Variants in CCDC62 observed in about 807,000 individuals in gnomAD.
The protein encoded by CCDC62 is coiled-coil domain containing 62.
CCDC62 carries 72 observed loss-of-function variants against 80.8 expected under a neutral mutation model. The observed-to-expected ratio is 0.89, with a 90% CI of 0.74 to 1.08. CCDC62 has a LOEUF of 1.08. Ranked by LOEUF, CCDC62 falls within the 50% of genes least tolerant of loss-of-function variation. CCDC62 has a pLI of 0.00. For missense variants in CCDC62, 704 were observed against 809.4 expected (o/e 0.87, Z 1.58); for synonymous variants, 286 against 296.5 (o/e 0.96, Z 0.36).
chr12:122,818,527 G>T (rs1477630110), intron 11 of CCDC62, among the ~76,000 whole-genome samples: 5 of 151,928 alleles, frequency 3.3e-5, no homozygotes, highest in African/African-American at 4.8e-5. Context: ...GGGAGGTTGA[G>T]GGGGGAGGAT....
At chr12:122,825,834 A>AAT (rs1269088070) in intron 12 of CCDC62, among the ~76,000 whole-genome samples, 2 of 147,946 alleles carry the variant, frequency 1.4e-5, no homozygotes, top group East Asian at 4.1e-4. Flanking sequence ...AAAAATACCA[A>AAT]AAAAAAAAAT....
intron 3 of CCDC62, among the ~76,000 whole-genome samples, chr12:122,785,258 C>T (rs1490805274): frequency 1.3e-5 from 2 of 151,966 alleles, no homozygotes; most frequent in South Asian, 2.1e-4. Flanking sequence ...TAGGAATACC[C>T]CAGTATGAAG....
chr12:122,804,497 G>A (rs1387397940), intron 9 of CCDC62, among the ~76,000 whole-genome samples: 1 of 151,968 alleles, frequency 6.6e-6, no homozygotes, highest in Non-Finnish European at 1.5e-5. Flanking sequence ...AAAAAAAAAG[G>A]TCATTGGCCA....
intron 3 of CCDC62, among the ~76,000 whole-genome samples, chr12:122,782,138 C>T (rs2029902392): frequency 6.6e-6 from 1 of 152,172 alleles, no homozygotes; most frequent in African/African-American, 2.4e-5. Context: ...AGTCCAAGTC[C>T]AGCCTGGGCA....
chr12:122,814,352 G>A (rs1475378016), intron 11 of CCDC62, among the ~76,000 whole-genome samples: 1 of 149,852 alleles, frequency 6.7e-6, no homozygotes, highest in African/African-American at 2.5e-5. Flanking sequence ...GAAGTGGAAA[G>A]AATGGCACGG....
rs558499272 is a variant in CCDC62, at chr12:122,795,915, C to T, written c.773-1392C>T. Among the ~76,000 whole-genome samples the T allele has an allele frequency of 1.6e-4, 25 of 152,250 alleles. No individual in the cohort carries two copies. The South Asian group carries it at 5.2e-3, about 32-fold the overall frequency. On this transcript the variant is annotated intron_variant, in intron 6 of 12. Coordinates refer to ENST00000253079, the MANE Select transcript of CCDC62 (RefSeq NM_201435.5). The stretch of plus-strand genomic sequence containing the variant: ...TTCAGCAGGTTCCAGGCGTCTAAGT[C>T]CCTTCCCATTGTTTTAGCTTAGGCT...
At chr12:122,819,966 A>G (rs1057425110) in intron 11 of CCDC62, among the ~76,000 whole-genome samples, 3 of 148,532 alleles carry the variant, frequency 2.0e-5, no homozygotes, top group Non-Finnish European at 3.0e-5. Flanking sequence ...GGAGGCTGGG[A>G]CAGGAGGATT....
intron 3 of CCDC62, among the ~76,000 whole-genome samples, chr12:122,783,578 G>A (rs1235997922): frequency 2.6e-5 from 4 of 152,020 alleles, no homozygotes; most frequent in African/African-American, 9.7e-5. Context: ...AATATAATGA[G>A]TCTTTATTCA....
chr12:122,783,357 A>G (rs2029989801), intron 3 of CCDC62, among the ~76,000 whole-genome samples: 1 of 150,682 alleles, frequency 6.6e-6, no homozygotes, highest in Admixed American at 6.6e-5. Context: ...CCTCCCTAGT[A>G]GCTGGGACTA....
intron 10 of CCDC62, among the ~76,000 whole-genome samples, chr12:122,812,367 G>A (rs573012261): frequency 6.7e-6 from 1 of 149,466 alleles, no homozygotes; most frequent in South Asian, 2.1e-4. Context: ...ACTTGAACCC[G>A]GGAGGTGGAG....
intron 10 of CCDC62, among the ~76,000 whole-genome samples, chr12:122,809,418 A>C (rs1483420066): frequency 6.6e-6 from 1 of 152,166 alleles, no homozygotes; most frequent in East Asian, 1.9e-4. Context: ...TGAGCCCGGG[A>C]GGCGGAGGCT....
chr12:122,817,198 C>G lies in CCDC62; in HGVS notation c.2001+3779C>G, dbSNP rs926285371. Among the ~76,000 whole-genome samples the G allele has an allele frequency of 1.0e-4, 15 of 148,116 alleles. No individual in the cohort carries two copies. The Admixed American group carries it at 1.0e-3, about 10-fold the overall frequency. ...TCCCAAGTAGCTGGGACTACAGGCA[C>G]CCGCCACCACGCCTAGCTAATTTTT... On this transcript the variant is annotated intron_variant, in intron 11 of 12. Transcript: ENST00000253079.
intron 10 of CCDC62, 85 bp downstream of exon 10, chr12:122,806,380 C>T: frequency 9.2e-7 from 1 of 1,084,592 alleles, no homozygotes; most frequent in South Asian, 2.6e-5. Context: ...CCACTGTTAG[C>T]TTGCTTATTT....
chr12:122,797,347 G>A lies in CCDC62; in HGVS notation c.813G>A (p.Ala271=), dbSNP rs756265250. ...EKRKDELLNI[A]KSKQERTNSE... ...GGAAAGATGAATTGCTTAATATTGC[G>A]AAGTCAAAGCAAGAACGCACAAATT... The change falls in exon 7 of 13, where the codon GCG becomes GCA. Residue 271 remains alanine (A), a synonymous_variant. Transcript: ENST00000253079. 16 of 1,599,198 alleles carry A rather than the reference G, an allele frequency of 1.0e-5. No homozygotes were observed. Among genetic ancestry groups the A allele is most frequent in the Admixed American group, 5.0e-5 (3 of 59,924 alleles).
At chr12:122,807,723 T>G (rs2031683811) in intron 10 of CCDC62, among the ~76,000 whole-genome samples, 1 of 152,034 alleles carries the variant, frequency 6.6e-6, no homozygotes, top group Non-Finnish European at 1.5e-5. Context: ...AGTGACACAT[T>G]CATTACACCC....
At chr12:122,799,582 TAA>T (rs952724249) in intron 8 of CCDC62, among the ~76,000 whole-genome samples, 4 of 152,188 alleles carry the variant, frequency 2.6e-5, no homozygotes, top group Non-Finnish European at 5.9e-5. Flanking sequence ...TATAAACATA[TAA>T]AGTGTGGTTT....
Position 122,826,627 on chromosome 12 carries a change from T to C in CCDC62, c.*246T>C, listed in dbSNP as rs1436039612. 1.8e-6 allele frequency: 1 copy of C among 544,342 alleles called. No homozygotes were observed. The highest frequency in any genetic ancestry group is 3.2e-6 in the Non-Finnish European group (1 of 307,698). 33.7% of individuals were successfully genotyped at this position (544,342 alleles called of 1,614,324 possible). Reference sequence around the variant, plus strand: ...AGAAATATTTTCATGTGTAAGAAAGTAGACCTTATTGTACATATAGAAAGT... The same window carrying C: ...AGAAATATTTTCATGTGTAAGAAAGCAGACCTTATTGTACATATAGAAAGT... On this transcript the variant is annotated 3_prime_UTR_variant, in exon 13 of 13. Coordinates refer to ENST00000253079, the MANE Select transcript of CCDC62 (RefSeq NM_201435.5).
At chr12:122,817,642 A>T (rs2032225058) in intron 11 of CCDC62, among the ~76,000 whole-genome samples, 1 of 152,106 alleles carries the variant, frequency 6.6e-6, no homozygotes, top group Non-Finnish European at 1.5e-5. Flanking sequence ...CGTTTTCCAA[A>T]CAAGCATTAT....
chr12:122,794,168 G>A (rs975089004), intron 6 of CCDC62, among the ~76,000 whole-genome samples: 27 of 152,122 alleles, frequency 1.8e-4, no homozygotes, highest in African/African-American at 6.0e-4. Context: ...CATGGAATTT[G>A]TTAGCTAATA....
Sources: gnomAD v4.1 joint callset for allele counts (sites outside exome capture counted in the v4.1 genomes callset) on GRCh38, gnomAD v4.1.1 for gene constraint, MANE v1.5 for transcripts, NCBI Gene and HGNC (gene_info 2026-07-23, HGNC 2026-07-21) for gene names.